Variants in ADTRP observed in about 807,000 individuals in gnomAD.
The protein encoded by ADTRP is androgen-dependent TFPI-regulating protein.
ADTRP carries 20 observed loss-of-function variants against 27.0 expected under a neutral mutation model. The observed-to-expected ratio is 0.74, with a 90% CI of 0.52 to 1.08. The LOEUF (loss-of-function observed/expected upper bound fraction) is 1.08, where lower values mean the gene tolerates loss of function less well. ADTRP is among the 50% of genes least tolerant of loss of function. The pLI is 0.00. For missense variants in ADTRP, 251 were observed against 275.0 expected (o/e 0.91, Z 0.62); for synonymous variants, 101 against 105.2 (o/e 0.96, Z 0.25).
At chr6:11,768,161 TG>T in intron 2 of ADTRP, 87 bp downstream of exon 2, 1 of 1,516,144 alleles carries the variant, frequency 6.6e-7, no homozygotes, top group Non-Finnish European at 9.0e-7. Flanking sequence ...TTTCCAATTA[TG>T]GGCTCCCAAA....
At chr6:11,717,555 TACAACC>T (rs1429970423) in intron 5 of ADTRP, 5 of 1,013,192 alleles carry the variant, frequency 4.9e-6, no homozygotes, top group Non-Finnish European at 6.3e-6. Flanking sequence ...CCTATGTATC[TACAACC>T]ACAAAAATGA....
chr6:11,733,008 C>G (rs1378525755), intron 4 of ADTRP, among the ~76,000 whole-genome samples: 1 of 152,310 alleles, frequency 6.6e-6, no homozygotes, highest in African/African-American at 2.4e-5. Flanking sequence ...GGCTCAAGTA[C>G]CAGCTTTGCA....
At chr6:11,756,136 T>C (rs530086226) in intron 3 of ADTRP, among the ~76,000 whole-genome samples, 38 of 152,224 alleles carry the variant, frequency 2.5e-4, no homozygotes, top group African/African-American at 8.7e-4. Context: ...CAACACTTTG[T>C]TAGGCTGAGG....
At chr6:11,766,955 C>T (rs555450835) in intron 2 of ADTRP, among the ~76,000 whole-genome samples, 3 of 152,184 alleles carry the variant, frequency 2.0e-5, no homozygotes, top group African/African-American at 4.8e-5. Context: ...CTCTATGCTA[C>T]GAAGTCAACG....
intron 4 of ADTRP, among the ~76,000 whole-genome samples, chr6:11,734,281 A>G (rs1359031742): frequency 6.6e-6 from 1 of 152,204 alleles, no homozygotes; most frequent in Non-Finnish European, 1.5e-5. Flanking sequence ...ACCACTGTCC[A>G]TTGTCATGCT....
intron 1 of ADTRP, among the ~76,000 whole-genome samples, chr6:11,768,809 T>C (rs1194407598): frequency 6.6e-6 from 1 of 152,044 alleles, no homozygotes; most frequent in African/African-American, 2.4e-5. Flanking sequence ...AAATGCCTAG[T>C]GCTGAAATCT....
At chr6:11,768,467 G>C in intron 1 of ADTRP, 84 bp from the exon 2 acceptor site, 1 of 1,539,514 alleles carries the variant, frequency 6.5e-7, no homozygotes, top group Non-Finnish European at 8.8e-7. Flanking sequence ...ATCCCTCTGA[G>C]AGTAATGTGG....
intron 5 of ADTRP, among the ~76,000 whole-genome samples, chr6:11,718,955 A>G (rs1761921557): frequency 6.6e-6 from 1 of 152,208 alleles, no homozygotes; most frequent in African/African-American, 2.4e-5. Flanking sequence ...ACACTTTCCA[A>G]TTTAACATGT....
At chr6:11,761,624 G>A (rs1352076625) in intron 3 of ADTRP, among the ~76,000 whole-genome samples, 1 of 152,130 alleles carries the variant, frequency 6.6e-6, no homozygotes, top group African/African-American at 2.4e-5. Flanking sequence ...ATTTTCAAAT[G>A]AGTGATTCTT....
At chr6:11,734,626 A>G (rs79389243) in intron 4 of ADTRP, among the ~76,000 whole-genome samples, 358 of 152,298 alleles carry the variant, frequency 2.4e-3, no homozygotes, top group African/African-American at 8.3e-3. Context: ...AGGTCTGGGC[A>G]CCAAGTTTAT....
intron 3 of ADTRP, among the ~76,000 whole-genome samples, chr6:11,750,595 C>T (rs1763014199): frequency 2.0e-5 from 3 of 152,174 alleles, no homozygotes; most frequent in Non-Finnish European, 4.4e-5. Flanking sequence ...TGCCAGAAAC[C>T]CTACGGGCCT....
chr6:11,743,240 A>T (rs1270938409), intron 3 of ADTRP, among the ~76,000 whole-genome samples: 1 of 152,170 alleles, frequency 6.6e-6, no homozygotes, highest in Admixed American at 6.5e-5. Context: ...AAACTCTTTG[A>T]GGGCAAAGCT....
At chr6:11,756,713 T>G (rs76416630) in intron 3 of ADTRP, among the ~76,000 whole-genome samples, 4,868 of 152,236 alleles carry the variant, frequency 0.032, 292 homozygotes, top group African/African-American at 0.11. Context: ...GGGCTTGCCT[T>G]GAGTAAGGGA....
Position 11,766,237 on chromosome 6 carries a change from T to C in ADTRP, c.390+37A>G. The C allele has an allele frequency of 1.3e-6, 2 of 1,486,540 alleles. 1 individual carries two copies. Among genetic ancestry groups the C allele is most frequent in the Non-Finnish European group, 1.9e-6 (2 of 1,072,960 alleles). 92.1% of individuals were successfully genotyped at this position (1,486,540 alleles called of 1,614,324 possible). On this transcript the variant is annotated intron_variant, in intron 3 of 5. Transcript: ENST00000414691. ...GTGGAGTTTTCAGTACAGAGGCTAT[T>C]GGTGTTCTGAGTTCACTGAATTTTC... is the stretch of plus-strand genomic sequence containing the variant.
At chr6:11,771,052 C>A (rs932887377) in intron 1 of ADTRP, among the ~76,000 whole-genome samples, 5 of 152,236 alleles carry the variant, frequency 3.3e-5, no homozygotes, top group East Asian at 1.9e-4. Context: ...CATCGTGAGT[C>A]AAGCTCCTCC....
chr6:11,733,223 T>C (rs1278196632), intron 4 of ADTRP, among the ~76,000 whole-genome samples: 2 of 152,272 alleles, frequency 1.3e-5, no homozygotes, highest in Non-Finnish European at 2.9e-5. Context: ...CTACCTGTCT[T>C]GTTCCTCTTC....
intron 3 of ADTRP, among the ~76,000 whole-genome samples, chr6:11,741,909 C>T (rs1348809222): frequency 1.3e-5 from 2 of 152,056 alleles, no homozygotes; most frequent in Non-Finnish European, 2.9e-5. Context: ...TCCTTTACTC[C>T]TCACACTCAA....
intron 5 of ADTRP, among the ~76,000 whole-genome samples, chr6:11,722,417 T>C (rs1322595338): frequency 6.6e-6 from 1 of 152,172 alleles, no homozygotes; most frequent in East Asian, 1.9e-4. Flanking sequence ...CACCAGTTCA[T>C]AGATTGGGCG....
At position 11,778,773 on chromosome 6, in the gene ADTRP, C is replaced by A. The variant is rs756657122; in HGVS notation, c.-14G>T. On this transcript the variant is annotated 5_prime_UTR_variant, in exon 1 of 6. Coordinates refer to ENST00000414691, the MANE Select transcript of ADTRP (RefSeq NM_032744.4). ...AGTCTTCGTCATGGCGAGTGCTGAC[C>A]GGGGCACCGTGAATGTCTTGAGTAC... The A allele has an allele frequency of 6.2e-7, 1 of 1,611,646 alleles. No individual in the cohort carries two copies. The highest frequency in any genetic ancestry group is 1.7e-5 in the Admixed American group (1 of 59,886).
Sources: allele counts gnomAD v4.1 joint callset (sites outside exome capture counted in the v4.1 genomes callset), GRCh38; gene constraint gnomAD v4.1.1; transcripts MANE v1.5; gene names NCBI Gene and HGNC (gene_info 2026-07-23, HGNC 2026-07-21).